PTAR1: variants seen among roughly 807,000 people sequenced by gnomAD.
PTAR1 encodes protein prenyltransferase alpha subunit repeat-containing protein 1.
A neutral mutation model predicts 45.5 loss-of-function variants in PTAR1; 17 were observed. The observed-to-expected ratio is 0.37, with a 90% CI of 0.26 to 0.56. The LOEUF is 0.56. PTAR1 is among the 20% of genes least tolerant of loss of function. The pLI, the probability that PTAR1 is intolerant of heterozygous loss-of-function variation, is 0.77. For missense variants in PTAR1, 391 were observed against 476.3 expected, an observed-to-expected ratio of 0.82 and a Z score of 1.67; for synonymous variants, 169 against 171.3, an observed-to-expected ratio of 0.99 and a Z score of 0.11.
Position 69,727,026 on chromosome 9 carries a change from T to TACACACAC in PTAR1, c.643-3404_643-3397dup, listed in dbSNP as rs71356128. Among the ~76,000 whole-genome samples, 758 of 147,194 alleles carry TACACACAC rather than the reference T, an allele frequency of 5.1e-3. 7 individuals are homozygous for TACACACAC. The highest frequency in any genetic ancestry group is 0.014 in the East Asian group (70 of 5,030). On this transcript the variant is annotated intron_variant, in intron 5 of 7. Coordinates refer to ENST00000340434, the MANE Select transcript of PTAR1 (RefSeq NM_001099666.2). The stretch of plus-strand genomic sequence containing the variant: ...AAATGACAAATTAAAATTGTGTATA[T>TACACACAC]ACACACACACACACACACACACACA...
intron 6 of PTAR1, among the ~76,000 whole-genome samples, 184 bp downstream of exon 6, chr9:69,723,136 TTAATGA>T (rs1169703889): frequency 4.0e-5 from 6 of 151,490 alleles, no homozygotes; most frequent in Admixed American, 6.6e-5. Context: ...GAATCTCTTA[TTAATGA>T]TGATGATGAT....
chr9:69,758,836 A>C (rs10780613), intron 1 of PTAR1: 63,775 of 149,028 alleles, frequency 0.43, 13,673 homozygotes, highest in Middle Eastern at 0.54. Context: ...AAATAAATTA[A>C]ATAATAATAA....
At chr9:69,758,747 CTTTTTT>C (rs1554719580) in intron 1 of PTAR1, 2 of 350,610 alleles carry the variant, frequency 5.7e-6, no homozygotes, top group Non-Finnish European at 1.2e-5. Context: ...CGTTTGGCAA[CTTTTTT>C]AGGCAGAAAA....
At chr9:69,730,435 A>G (rs1825481611) in intron 5 of PTAR1, among the ~76,000 whole-genome samples, 1 of 151,424 alleles carries the variant, frequency 6.6e-6, no homozygotes, top group Non-Finnish European at 1.5e-5. Context: ...TCTCTCAGTC[A>G]ACCTGGACTC....
chr9:69,728,545 T>C (rs1825389204), intron 5 of PTAR1, among the ~76,000 whole-genome samples: 1 of 152,334 alleles, frequency 6.6e-6, no homozygotes, highest in Admixed American at 6.5e-5. Context: ...TCACTCCCTG[T>C]GGTTTTGCTT....
At chr9:69,728,899 G>GA (rs775176406) in intron 5 of PTAR1, among the ~76,000 whole-genome samples, 1 of 151,934 alleles carries the variant, frequency 6.6e-6, no homozygotes, top group African/African-American at 2.4e-5. Context: ...AAAAATACAA[G>GA]AAAAAAATCT....
chr9:69,729,593 T>C (rs1220657131), intron 5 of PTAR1, among the ~76,000 whole-genome samples: 1 of 152,196 alleles, frequency 6.6e-6, no homozygotes, highest in Non-Finnish European at 1.5e-5. Flanking sequence ...CCACTTTATA[T>C]GAATCCTCCC....
intron 1 of PTAR1, chr9:69,758,652 G>A (rs1826912448): frequency 2.6e-6 from 1 of 384,344 alleles, no homozygotes; most frequent in South Asian, 1.9e-5. Context: ...CCAATTGTGT[G>A]CCACAAGGGA....
intron 2 of PTAR1, among the ~76,000 whole-genome samples, chr9:69,744,562 T>C (rs1237851941): frequency 6.6e-6 from 1 of 151,972 alleles, no homozygotes; most frequent in Non-Finnish European, 1.5e-5. Flanking sequence ...ATTTTTTGTA[T>C]TTTAGTAGAG....
intron 2 of PTAR1, among the ~76,000 whole-genome samples, chr9:69,745,782 T>C (rs933630033): frequency 3.3e-5 from 5 of 152,184 alleles, no homozygotes; most frequent in Admixed American, 6.5e-5. Flanking sequence ...CATGGGTATA[T>C]TAGATGATTA....
rs114645365 is a variant in PTAR1, at chr9:69,731,080, C to G, written c.642+1059G>C. On this transcript the variant is annotated intron_variant, in intron 5 of 7. Transcript: ENST00000340434. ...GGTTCTTTCTATTCCATTAGGCGGCCACCCCTCCTGAAACTCAAAGCCATG... is the reference window on the plus strand; with the variant it reads ...GGTTCTTTCTATTCCATTAGGCGGCGACCCCTCCTGAAACTCAAAGCCATG... Among the ~76,000 whole-genome samples, 988 of 152,200 alleles carry G rather than the reference C, an allele frequency of 6.5e-3. 13 individuals are homozygous for G. Among genetic ancestry groups the G allele is most frequent in the African/African-American group, 0.02 (819 of 41,528 alleles).
intron 6 of PTAR1, among the ~76,000 whole-genome samples, chr9:69,723,071 GCA>G (rs930136087): frequency 2.6e-5 from 4 of 151,792 alleles, no homozygotes; most frequent in African/African-American, 9.7e-5. Context: ...TTATTCTGTT[GCA>G]CAGTCAAGGT....
In PTAR1 at chr9:69,715,895, T is replaced by C. The variant is rs1309046639; in HGVS notation, c.*2447A>G. ...ATCCTTTGGGTATTTGCATTTTTGC[T>C]CTCTACTTTAAACTTTTAGGAAGGA... On this transcript the variant is annotated 3_prime_UTR_variant, in exon 8 of 8. Coordinates refer to ENST00000340434, the MANE Select transcript of PTAR1 (RefSeq NM_001099666.2). 2 of 152,148 alleles carry C rather than the reference T, an allele frequency of 1.3e-5. No homozygotes were observed. The allele number at this position is 152,148 out of a possible 1,614,324, so 9.4% of individuals were successfully genotyped here. A position where few individuals can be genotyped will look rare whatever the true frequency, so the allele number is the denominator to read the frequency against.
At chr9:69,725,734 T>C (rs1205277216) in intron 5 of PTAR1, among the ~76,000 whole-genome samples, 1 of 152,050 alleles carries the variant, frequency 6.6e-6, no homozygotes, top group Non-Finnish European at 1.5e-5. Flanking sequence ...AATTTCAGGG[T>C]ATTCTCTTGT....
At chr9:69,739,932 G>C (rs1825968194) in intron 3 of PTAR1, among the ~76,000 whole-genome samples, 1 of 152,064 alleles carries the variant, frequency 6.6e-6, no homozygotes, top group Non-Finnish European at 1.5e-5. Context: ...GATTTATGGA[G>C]CAACTTCCCT....
chr9:69,722,643 GAA>G (rs796352009), intron 6 of PTAR1, among the ~76,000 whole-genome samples: 93 of 144,222 alleles, frequency 6.4e-4, no homozygotes, highest in African/African-American at 2.0e-3. Context: ...TTCTAGGGGG[GAA>G]AAAAAAAAAA....
chr9:69,753,001 T>C (rs1276428103), intron 1 of PTAR1, among the ~76,000 whole-genome samples: 2 of 152,138 alleles, frequency 1.3e-5, no homozygotes, highest in African/African-American at 4.8e-5. Flanking sequence ...TCAATGTGAT[T>C]ATTTCAGGAA....
intron 1 of PTAR1, among the ~76,000 whole-genome samples, chr9:69,753,121 T>C (rs533227691): frequency 7.0e-6 from 1 of 142,516 alleles, no homozygotes; most frequent in South Asian, 2.3e-4. Flanking sequence ...TTTCTGGGTA[T>C]GGTTTGTTTT....
At chr9:69,741,635 A>C in intron 3 of PTAR1, 157 bp downstream of exon 3, 1 of 566,560 alleles carries the variant, frequency 1.8e-6, no homozygotes, top group East Asian at 2.8e-5. Context: ...AAAGGGGCAA[A>C]ATGCCTATTT....
Sources: gnomAD v4.1 joint callset for allele counts (sites outside exome capture counted in the v4.1 genomes callset) on GRCh38, gnomAD v4.1.1 for gene constraint, MANE v1.5 for transcripts, NCBI Gene and HGNC (gene_info 2026-07-23, HGNC 2026-07-21) for gene names.